DNM3: variants seen among roughly 807,000 people sequenced by gnomAD.
DNM3 encodes the protein dynamin-3.
Under a neutral mutation model 101.6 loss-of-function variants are expected in DNM3, and 47 were observed. The observed-to-expected ratio is 0.46, with a 90% CI of 0.37 to 0.59. DNM3 has a LOEUF of 0.59. DNM3 is among the 20% of genes least tolerant of loss of function. The pLI is 0.00. For missense variants in DNM3, 849 were observed against 1,085.7 expected, an observed-to-expected ratio of 0.78 and a Z score of 3.06; for synonymous variants, 385 against 387.9, an observed-to-expected ratio of 0.99 and a Z score of 0.09.
chr1:172,222,728 C>G (rs2060953514), intron 14 of DNM3, among the ~76,000 whole-genome samples: 1 of 151,956 alleles, frequency 6.6e-6, no homozygotes, highest in Non-Finnish European at 1.5e-5. Flanking sequence ...CGCCAAAGAA[C>G]CAACATACAA....
At chr1:172,261,233 A>T (rs1250890013) in intron 15 of DNM3, among the ~76,000 whole-genome samples, 1 of 152,176 alleles carries the variant, frequency 6.6e-6, no homozygotes, top group African/African-American at 2.4e-5. Context: ...CATCTGGTAT[A>T]ACTGTTGCTT....
intron 1 of DNM3, among the ~76,000 whole-genome samples, chr1:171,921,027 G>T (rs1014809065): frequency 6.6e-6 from 1 of 151,954 alleles, no homozygotes; most frequent in Non-Finnish European, 1.5e-5. Context: ...AGGCTCAAGC[G>T]ATCCTCCCAC....
chr1:172,166,708 A>G (rs986991090), intron 14 of DNM3, among the ~76,000 whole-genome samples: 19 of 149,008 alleles, frequency 1.3e-4, no homozygotes, highest in Non-Finnish European at 4.4e-5. Flanking sequence ...CCTACCCAAC[A>G]TATTTTTTTG....
At chr1:171,905,645 G>C (rs1045915777) in intron 1 of DNM3, among the ~76,000 whole-genome samples, 1 of 152,158 alleles carries the variant, frequency 6.6e-6, no homozygotes, top group Non-Finnish European at 1.5e-5. Flanking sequence ...AGATTTAGGG[G>C]AGAATATTAA....
intron 13 of DNM3, among the ~76,000 whole-genome samples, 179 bp from the exon 14 acceptor site, chr1:172,130,996 C>G (rs1386790852): frequency 6.6e-6 from 1 of 152,164 alleles, no homozygotes; most frequent in Non-Finnish European, 1.5e-5. Context: ...CTTCCCTTCA[C>G]TCATCTGCAC....
intron 12 of DNM3, 21 bp from the exon 13 acceptor site, chr1:172,092,803 G>A: frequency 6.5e-7 from 1 of 1,548,508 alleles, no homozygotes; most frequent in Non-Finnish European, 8.7e-7. Context: ...CTTCAGTGCT[G>A]CTTTCCTTTG....
At chr1:172,283,780 A>AAAAAAAAAAAAGAAAG (rs1553221113) in intron 15 of DNM3, among the ~76,000 whole-genome samples, 15 of 119,086 alleles carry the variant, frequency 1.3e-4, no homozygotes, top group South Asian at 2.8e-4. Flanking sequence ...AAAAAAAAAA[A>AAAAAAAAAAAAGAAAG]AAAGAAAGAA....
intron 17 of DNM3, chr1:172,370,350 T>C (rs1408068907): frequency 6.6e-6 from 1 of 151,966 alleles, no homozygotes; most frequent in East Asian, 1.9e-4. Flanking sequence ...TTTTAAATAA[T>C]TTGCCATTTT....
At chr1:172,027,418 A>C (rs1286573451) in intron 4 of DNM3, among the ~76,000 whole-genome samples, 1 of 151,898 alleles carries the variant, frequency 6.6e-6, no homozygotes, top group Non-Finnish European at 1.5e-5. Context: ...CCCTGTTACT[A>C]AAAAATACAA....
At chr1:172,074,868 C>G (rs2052515257) in intron 11 of DNM3, among the ~76,000 whole-genome samples, 1 of 152,198 alleles carries the variant, frequency 6.6e-6, no homozygotes, top group Non-Finnish European at 1.5e-5. Context: ...ATTGCTGGTT[C>G]TAGGTCATTG....
intron 2 of DNM3, among the ~76,000 whole-genome samples, chr1:171,972,135 T>A (rs531643531): frequency 1.6e-4 from 25 of 152,244 alleles, no homozygotes; most frequent in African/African-American, 5.8e-4. Context: ...AAATCAAAGA[T>A]GTAGAAGACA....
At chr1:172,124,279 T>A (rs1378231369) in intron 13 of DNM3, among the ~76,000 whole-genome samples, 1 of 152,160 alleles carries the variant, frequency 6.6e-6, no homozygotes, top group Non-Finnish European at 1.5e-5. Flanking sequence ...TTTAAGAAGT[T>A]AGCTTTGCCA....
chr1:172,109,430 T>C (rs1349855061), intron 13 of DNM3, among the ~76,000 whole-genome samples: 1 of 152,220 alleles, frequency 6.6e-6, no homozygotes, highest in Non-Finnish European at 1.5e-5. Context: ...ATCCATGTCC[T>C]GGAGGAAGGA....
chr1:172,284,986 G>T (rs1484781638), intron 15 of DNM3, among the ~76,000 whole-genome samples: 1 of 152,176 alleles, frequency 6.6e-6, no homozygotes, highest in Non-Finnish European at 1.5e-5. Flanking sequence ...GAGGCTGTAA[G>T]GGTGAGTAGA....
chr1:172,141,352 A>C (rs955370619), intron 14 of DNM3, among the ~76,000 whole-genome samples: 1 of 152,016 alleles, frequency 6.6e-6, no homozygotes, highest in Non-Finnish European at 1.5e-5. Flanking sequence ...TTAAAGCCTG[A>C]CCTTCTAGTT....
At chr1:171,972,835 G>A (rs978826542) in intron 2 of DNM3, among the ~76,000 whole-genome samples, 1 of 144,742 alleles carries the variant, frequency 6.9e-6, no homozygotes, top group Admixed American at 7.1e-5. Flanking sequence ...GGCAACAAGA[G>A]CAAAACTCCA....
intron 14 of DNM3, among the ~76,000 whole-genome samples, chr1:172,238,030 G>T (rs1335270365): frequency 6.6e-6 from 1 of 152,120 alleles, no homozygotes; most frequent in African/African-American, 2.4e-5. Context: ...CTGATGTATT[G>T]ATGTCTGCCT....
At chr1:172,224,982 A>G (rs1034537533) in intron 14 of DNM3, among the ~76,000 whole-genome samples, 4 of 152,150 alleles carry the variant, frequency 2.6e-5, no homozygotes, top group Admixed American at 6.6e-5. Flanking sequence ...CTCATTTCTT[A>G]CAAGTGGAAA....
At chr1:172,084,366 T>C (rs2053381050) in intron 12 of DNM3, among the ~76,000 whole-genome samples, 1 of 152,150 alleles carries the variant, frequency 6.6e-6, no homozygotes, top group Non-Finnish European at 1.5e-5. Flanking sequence ...GATTACTAGA[T>C]GTACCATTTT....
Sources: gnomAD v4.1 joint callset for allele counts (sites outside exome capture counted in the v4.1 genomes callset) on GRCh38, gnomAD v4.1.1 for gene constraint, MANE v1.5 for transcripts, NCBI Gene and HGNC (gene_info 2026-07-23, HGNC 2026-07-21) for gene names.